Variants in GSK3B observed in about 807,000 individuals in gnomAD.
GSK3B encodes the protein glycogen synthase kinase 3 beta.
In GSK3B, 15 loss-of-function variants were observed where a neutral mutation model predicts 56.4. That is an observed-to-expected ratio of 0.27 (90% CI 0.18 to 0.41). The LOEUF is 0.41. Among genes scored for constraint, GSK3B ranks in the 10% least tolerant of loss-of-function variants. GSK3B has a pLI of 1.00. For missense variants in GSK3B, 300 were observed against 513.4 expected (o/e 0.58, Z 4.02); for synonymous variants, 181 against 188.9 (o/e 0.96, Z 0.34).
intron 1 of GSK3B, among the ~76,000 whole-genome samples, chr3:120,082,382 G>GTTTTTTTTTTTTTTTTTTTTTTT (rs1296252569): frequency 1.4e-5 from 1 of 72,512 alleles, no homozygotes; most frequent in African/African-American, 5.6e-5. Context: ...AAATTAGTAT[G>GTTTTTTTTTTTTTTTTTTTTTTT]TTCTTTTTTT....
intron 7 of GSK3B, among the ~76,000 whole-genome samples, chr3:119,877,911 C>T (rs1416851221): frequency 6.6e-6 from 1 of 151,954 alleles, no homozygotes; most frequent in East Asian, 1.9e-4. Context: ...CTTTATAAGA[C>T]CGTGTATAAA....
chr3:120,073,861 T>C (rs1473831046), intron 1 of GSK3B, among the ~76,000 whole-genome samples: 2 of 152,078 alleles, frequency 1.3e-5, no homozygotes, highest in Admixed American at 6.5e-5. Context: ...AAATAGAGAA[T>C]AGACAACCCA....
chr3:119,936,353 TA>T (rs201865278), intron 3 of GSK3B, among the ~76,000 whole-genome samples: 18,682 of 108,416 alleles, frequency 0.17, 1,449 homozygotes, highest in African/African-American at 0.34. Flanking sequence ...TATATATATA[TA>T]TTTTTTTTTT....
At position 119,863,582 on chromosome 3, in the gene GSK3B, C is replaced by T. The variant is rs545004267; in HGVS notation, c.933G>A (p.Pro311=). 46 of 1,611,364 alleles carry T rather than the reference C, an allele frequency of 2.9e-5. No individual in the cohort carries two copies. The highest frequency in any genetic ancestry group is 2.7e-4 in the East Asian group (12 of 44,844). ...WTKVFRPRTP[P]EAIALCSRLL... The stretch of plus-strand genomic sequence containing the variant: ...GACGGCTACACAGTGCAATTGCCTC[C>T]GGTGGAGTTCGGGGTCGGAAGACCT... The change falls in exon 9 of 11, where the codon CCG becomes CCA. Residue 311 remains proline (P), a synonymous_variant. Coordinates refer to ENST00000264235, the MANE Select transcript of GSK3B (RefSeq NM_001146156.2).
At chr3:119,993,613 A>G (rs528767740) in intron 2 of GSK3B, among the ~76,000 whole-genome samples, 1 of 152,340 alleles carries the variant, frequency 6.6e-6, no homozygotes, top group East Asian at 1.9e-4. Flanking sequence ...AAATTCTAGG[A>G]TTGAGCAAAT....
intron 6 of GSK3B, 142 bp downstream of exon 6, chr3:119,912,562 T>A (rs2056745368): frequency 4.4e-6 from 2 of 453,452 alleles, no homozygotes; most frequent in Non-Finnish European, 8.0e-6. Flanking sequence ...TATACATGTT[T>A]GCATCTCAAG....
chr3:120,071,456 C>A (rs546941223), intron 1 of GSK3B, among the ~76,000 whole-genome samples: 1 of 152,216 alleles, frequency 6.6e-6, no homozygotes, highest in African/African-American at 2.4e-5. Flanking sequence ...GTATTTACAG[C>A]AGCTCCTCAT....
At chr3:120,051,081 C>T (rs1240866371) in intron 1 of GSK3B, among the ~76,000 whole-genome samples, 1 of 149,628 alleles carries the variant, frequency 6.7e-6, no homozygotes, top group Admixed American at 6.7e-5. Context: ...GGCCAAACAC[C>T]AGGTCTAGTA....
intron 9 of GSK3B, among the ~76,000 whole-genome samples, chr3:119,850,570 G>A (rs1264617999): frequency 6.6e-6 from 1 of 152,012 alleles, no homozygotes; most frequent in African/African-American, 2.4e-5. Context: ...ATGTCAACCA[G>A]TTCAAAATGT....
chr3:120,051,628 G>T (rs2058150659), intron 1 of GSK3B, among the ~76,000 whole-genome samples: 1 of 152,012 alleles, frequency 6.6e-6, no homozygotes, highest in East Asian at 1.9e-4. Context: ...TTAGCCAGGT[G>T]TGGTGGTGGG....
chr3:120,001,258 A>G (rs1360509601), intron 2 of GSK3B, among the ~76,000 whole-genome samples: 1 of 152,050 alleles, frequency 6.6e-6, no homozygotes, highest in East Asian at 1.9e-4. Context: ...GGGGACGGGC[A>G]TGGTGGCTCA....
At chr3:120,048,263 T>C (rs1011637625) in intron 1 of GSK3B, among the ~76,000 whole-genome samples, 1 of 152,210 alleles carries the variant, frequency 6.6e-6, no homozygotes, top group African/African-American at 2.4e-5. Flanking sequence ...ATAAGTGCCT[T>C]TTAAAAATAA....
Position 119,874,567 on chromosome 3 carries a change from T to C in GSK3B, c.909+1846A>G, listed in dbSNP as rs941553802. On this transcript the variant is annotated intron_variant, in intron 8 of 10. Coordinates refer to ENST00000264235, the MANE Select transcript of GSK3B (RefSeq NM_001146156.2). ...AATAATAATAATGGAGGATGGGGAC[T>C]GTTAAATAGGATCTCATGGACTCAA... is the stretch of plus-strand genomic sequence containing the variant. Among the ~76,000 whole-genome samples the C allele has an allele frequency of 5.3e-5, 8 of 152,004 alleles. No homozygotes were observed. In the East Asian group the frequency reaches 1.5e-3, roughly 29 times the overall value.
At chr3:119,902,817 C>T (rs1029773871) in intron 7 of GSK3B, among the ~76,000 whole-genome samples, 9 of 152,160 alleles carry the variant, frequency 5.9e-5, no homozygotes, top group African/African-American at 2.2e-4. Context: ...CGGGCTGAAG[C>T]TACCCTCCCA....
At chr3:120,045,576 G>A (rs970715816) in intron 1 of GSK3B, among the ~76,000 whole-genome samples, 4 of 152,128 alleles carry the variant, frequency 2.6e-5, no homozygotes, top group Non-Finnish European at 5.9e-5. Context: ...CCACAGGGGA[G>A]TGACACTGAG....
chr3:119,865,716 G>T (rs1015440606), intron 8 of GSK3B, among the ~76,000 whole-genome samples: 1 of 151,060 alleles, frequency 6.6e-6, no homozygotes, highest in Non-Finnish European at 1.5e-5. Flanking sequence ...TGATCCGCCC[G>T]CCTCGGCCTC....
intron 1 of GSK3B, among the ~76,000 whole-genome samples, chr3:120,042,428 T>C (rs1158447100): frequency 2.0e-5 from 3 of 152,250 alleles, no homozygotes; most frequent in Non-Finnish European, 4.4e-5. Context: ...GGGTTATAGA[T>C]AGTTGCTTTA....
intron 1 of GSK3B, chr3:120,084,602 T>C (rs1401238875): frequency 3.3e-5 from 5 of 152,234 alleles, no homozygotes; most frequent in African/African-American, 9.6e-5. Flanking sequence ...ACAGGCTTCA[T>C]TGACACTGAC....
At chr3:119,940,202 A>T (rs1414995059) in intron 3 of GSK3B, among the ~76,000 whole-genome samples, 1 of 151,788 alleles carries the variant, frequency 6.6e-6, no homozygotes, top group Non-Finnish European at 1.5e-5. Context: ...TATATATTAT[A>T]CATACATATA....
Sources: allele counts gnomAD v4.1 joint callset (sites outside exome capture counted in the v4.1 genomes callset), GRCh38; gene constraint gnomAD v4.1.1; transcripts MANE v1.5; gene names NCBI Gene and HGNC (gene_info 2026-07-23, HGNC 2026-07-21).